Variants in SHISA9 observed in about 807,000 individuals in gnomAD.
SHISA9 encodes protein shisa-9.
SHISA9 carries 13 observed loss-of-function variants against 38.0 expected under a neutral mutation model. That is an observed-to-expected ratio of 0.34 (90% CI 0.22 to 0.54). The LOEUF (loss-of-function observed/expected upper bound fraction) is 0.54, where lower values mean the gene tolerates loss of function less well. Ranked by LOEUF, SHISA9 falls within the 20% of genes least tolerant of loss-of-function variation. SHISA9 has a pLI of 0.91. For missense variants in SHISA9, 538 were observed against 575.8 expected (o/e 0.93, Z 0.67); for synonymous variants, 275 against 242.0 (o/e 1.14, Z -1.27).
rs1006060657 is a variant in SHISA9, at chr16:12,902,029, G to GGCGGCCGA, written c.-25_-18dup. ...GAGAGGCGGCCGCAGAGGCTCCAGC[G>GGCGGCCGA]GCGGCCGAGCGGCCGAGCCCGGGCT... On this transcript the variant is annotated 5_prime_UTR_variant, in exon 1 of 5. Coordinates refer to ENST00000558583, the MANE Select transcript of SHISA9 (RefSeq NM_001145204.3). 2.8e-6 allele frequency: 4 copies of GGCGGCCGA among 1,422,348 alleles called. No homozygotes were observed. The highest frequency in any genetic ancestry group is 1.5e-5 in the African/African-American group (1 of 66,406). The allele number at this position is 1,422,348 out of a possible 1,614,324, so 88.1% of individuals were successfully genotyped here. A position where few individuals can be genotyped will look rare whatever the true frequency, so the allele number is the denominator to read the frequency against.
At chr16:13,499,017 G>C in the SHISA9 span, among the ~76,000 whole-genome samples, 1 of 152,168 alleles carries the variant, frequency 6.6e-6, no homozygotes, top group Admixed American at 6.5e-5. Context: ...TGAGAGGTCT[G>C]CCCCTGAGCA....
rs184129029 is a variant in SHISA9 at position 13,211,817 on chromosome 16, G to T, written c.848-1436G>T. On this transcript the variant is annotated intron_variant, in intron 3 of 4. Coordinates refer to ENST00000558583, the MANE Select transcript of SHISA9 (RefSeq NM_001145204.3). Reference sequence around the variant, plus strand: ...AGCAATGGATTTAATTTGGGGTTCAGATGGCTTCCCTGGAGTCAGCGACTT... The same window carrying T: ...AGCAATGGATTTAATTTGGGGTTCATATGGCTTCCCTGGAGTCAGCGACTT... 4.8e-3 allele frequency among the ~76,000 whole-genome samples: 727 copies of T among 152,332 alleles called. 7 individuals carry two copies. The highest frequency in any genetic ancestry group is 0.016 in the African/African-American group (662 of 41,574).
chr16:13,228,020 G>A (rs1018431384), intron 4 of SHISA9, among the ~76,000 whole-genome samples: 4 of 152,182 alleles, frequency 2.6e-5, no homozygotes, highest in African/African-American at 9.7e-5. Flanking sequence ...TACATTCCAG[G>A]AATTGTGCTG....
At chr16:13,389,097 C>T in the SHISA9 span, among the ~76,000 whole-genome samples, 2 of 152,120 alleles carry the variant, frequency 1.3e-5, no homozygotes, top group Non-Finnish European at 2.9e-5. Context: ...CATTCCAAGT[C>T]CAGGGTTCAC....
chr16:13,160,034 A>G (rs573431287), intron 2 of SHISA9, among the ~76,000 whole-genome samples: 1 of 152,342 alleles, frequency 6.6e-6, no homozygotes, highest in South Asian at 2.1e-4. Context: ...CTATATTGCT[A>G]TGGGTGAGTG....
chr16:12,943,312 TGTGTGTGTGTGTGTGTGTGAGAGAGAGA>T (rs2071639682), intron 2 of SHISA9, among the ~76,000 whole-genome samples: 127 of 57,500 alleles, frequency 2.2e-3, no homozygotes, highest in Middle Eastern at 9.3e-3. Flanking sequence ...TGTGTGTGTG[TGTGTGTGTGTGTGTGTGTGAGAGAGAGA>T]GAGAGAGAGA....
At chr16:13,001,823 C>G (rs769620830) in intron 2 of SHISA9, among the ~76,000 whole-genome samples, 26 of 151,976 alleles carry the variant, frequency 1.7e-4, no homozygotes, top group Non-Finnish European at 2.5e-4. Flanking sequence ...CTGCAATTTA[C>G]TTTGAAATGC....
intron 2 of SHISA9, among the ~76,000 whole-genome samples, chr16:13,112,408 G>C (rs2073987882): frequency 6.6e-6 from 1 of 151,974 alleles, no homozygotes; most frequent in Admixed American, 6.6e-5. Context: ...AAAAGGTTTT[G>C]ATTTTCATTT....
At chr16:13,170,575 G>T (rs1393189076) in intron 2 of SHISA9, among the ~76,000 whole-genome samples, 1 of 152,214 alleles carries the variant, frequency 6.6e-6, no homozygotes, top group East Asian at 1.9e-4. Flanking sequence ...GTGCAGCAAA[G>T]TACCATGGCA....
chr16:13,358,479 C>A, the SHISA9 span, among the ~76,000 whole-genome samples: 21,828 of 152,122 alleles, frequency 0.14, 1,818 homozygotes, highest in Non-Finnish European at 0.19. Flanking sequence ...TAATCTGTTA[C>A]CAACCTAAGG....
chr16:12,939,321 C>G (rs1014683156), intron 2 of SHISA9, among the ~76,000 whole-genome samples: 3 of 152,252 alleles, frequency 2.0e-5, no homozygotes, highest in African/African-American at 7.2e-5. Context: ...TGACCTCAGG[C>G]AATCCACCCA....
the SHISA9 span, among the ~76,000 whole-genome samples, chr16:13,495,758 T>C: frequency 1.3e-4 from 20 of 152,174 alleles, no homozygotes; most frequent in East Asian, 3.3e-3. Context: ...TGGTAAGATA[T>C]GAAAACATGG....
At chr16:13,419,057 AC>A in the SHISA9 span, among the ~76,000 whole-genome samples, 56 of 152,288 alleles carry the variant, frequency 3.7e-4, no homozygotes, top group Middle Eastern at 3.4e-3. Context: ...TCTTATATAA[AC>A]CCACGTGTAT....
At chr16:12,951,298 C>G (rs543139176) in intron 2 of SHISA9, among the ~76,000 whole-genome samples, 1 of 149,192 alleles carries the variant, frequency 6.7e-6, no homozygotes, top group East Asian at 2.0e-4. Flanking sequence ...ACCTGGCTCA[C>G]GCTTGTGGCT....
rs1474471632 is a variant in SHISA9 at position 13,037,058 on chromosome 16, T to TCTCACACA, written c.691+120244_691+120245insTCACACAC. Among the ~76,000 whole-genome samples, 691 of 135,982 alleles carry TCTCACACA rather than the reference T, an allele frequency of 5.1e-3. 12 individuals carry two copies. Among genetic ancestry groups the TCTCACACA allele is most frequent in the African/African-American group, 0.02 (658 of 33,502 alleles). The allele number at this position is 135,982 out of a possible 152,430, so 89.2% of individuals were successfully genotyped here. ...TAAGTAAAAGGAAAGCAGGGAATGA[T>TCTCACACA]CACACACACACACACACACACACAC... On this transcript the variant is annotated intron_variant, in intron 2 of 4. Coordinates refer to ENST00000558583, the MANE Select transcript of SHISA9 (RefSeq NM_001145204.3).
At chr16:13,217,858 C>T (rs768071896) in intron 4 of SHISA9, among the ~76,000 whole-genome samples, 2 of 152,138 alleles carry the variant, frequency 1.3e-5, no homozygotes, top group African/African-American at 2.4e-5. Flanking sequence ...GGAGAAACCT[C>T]ATCTCTACTA....
At chr16:13,010,615 G>A (rs2072659994) in intron 2 of SHISA9, among the ~76,000 whole-genome samples, 1 of 152,154 alleles carries the variant, frequency 6.6e-6, no homozygotes. Flanking sequence ...GTACTACTGG[G>A]ATCAGAATTC....
chr16:13,473,284 G>A, the SHISA9 span, among the ~76,000 whole-genome samples: 2 of 149,488 alleles, frequency 1.3e-5, no homozygotes, highest in African/African-American at 4.9e-5. Flanking sequence ...TACTTCACAT[G>A]TCTGATAAGG....
At chr16:13,205,090 T>C (rs1405042950) in intron 3 of SHISA9, among the ~76,000 whole-genome samples, 1 of 152,140 alleles carries the variant, frequency 6.6e-6, no homozygotes, top group East Asian at 1.9e-4. Flanking sequence ...TGGATGCCAA[T>C]TACTAGAATC....
Sources: allele counts gnomAD v4.1 joint callset (sites outside exome capture counted in the v4.1 genomes callset), GRCh38; gene constraint gnomAD v4.1.1; transcripts MANE v1.5; gene names NCBI Gene and HGNC (gene_info 2026-07-23, HGNC 2026-07-21).